Variants in OTOA observed in about 807,000 individuals in gnomAD.
OTOA encodes the protein cancer/testis antigen 108.
OTOA carries 70 observed loss-of-function variants against 110.8 expected under a neutral mutation model. The ratio of observed to expected loss-of-function variants is 0.63; its 90% CI spans 0.52 to 0.77. The LOEUF (loss-of-function observed/expected upper bound fraction) is 0.77. OTOA is among the 30% of genes least tolerant of loss of function. The pLI, the probability that OTOA is intolerant of heterozygous loss-of-function variation, is 0.00. For synonymous variants in OTOA, 373 were observed against 431.5 expected (o/e 0.86, Z 1.68); for missense variants, 917 against 1,075.8 (o/e 0.85, Z 2.06).
rs1425745774 is a variant in OTOA, at chr16:21,700,915, G to A, written c.868G>A (p.Ala290Thr). The stretch of plus-strand genomic sequence containing the variant: ...TGGGCTGTTTATCAGCTATGACAAC[G>A]CCACCAAGCAGCTGGACATGGTCTA... ...EIGLFISYDN[A>T]TKQLDMVYDI... is the part of the protein sequence containing the mutation. Residue 290 changes from alanine (A) to threonine (T), a missense_variant, in exon 11 of 29, where the codon GCC becomes ACC. By Grantham distance (58) the Ala-to-Thr change is moderately conservative (BLOSUM62 0). This residue lies in a region of OTOA where 840 missense variants were observed against 910.2 expected (regional missense o/e 0.92). Transcript: ENST00000646100. The A allele has an allele frequency of 2.0e-5, 32 of 1,613,938 alleles. No homozygotes were observed. Among genetic ancestry groups the A allele is most frequent in the Non-Finnish European group, 2.4e-5 (28 of 1,179,996 alleles).
At position 21,709,977 on chromosome 16, in the gene OTOA, C is replaced by T; in HGVS notation, c.1194C>T (p.Thr398=). ...GSLSDAVVGL[T]YSQLESLSPE... is the part of the protein sequence containing the mutation. ...TGTCGGATGCAGTTGTAGGTTTGAC[C>T]TACAGCCAACTGGAATCCCTCTCCC... The change falls in exon 13 of 29, where the codon ACC becomes ACT. Residue 398 remains threonine, a synonymous_variant. Transcript: ENST00000646100. The T allele has an allele frequency of 1.9e-6, 3 of 1,614,020 alleles. No individual in the cohort carries two copies. Among genetic ancestry groups the T allele is most frequent in the Non-Finnish European group, 2.5e-6 (3 of 1,179,958 alleles).
intron 28 of OTOA, among the ~76,000 whole-genome samples, chr16:21,758,024 T>C (rs1900051177): frequency 1.3e-5 from 2 of 152,040 alleles, no homozygotes; most frequent in Non-Finnish European, 1.5e-5. Context: ...TAAGGCCCTC[T>C]TGTAAATGAA....
chr16:21,676,236 T>A (rs574397073), intron 1 of OTOA, among the ~76,000 whole-genome samples: 2 of 152,212 alleles, frequency 1.3e-5, no homozygotes, highest in Non-Finnish European at 2.9e-5. Flanking sequence ...TAATTTTTGA[T>A]TAGATCTGGA....
chr16:21,694,252 G>C (rs990212755), intron 9 of OTOA, among the ~76,000 whole-genome samples: 1 of 152,058 alleles, frequency 6.6e-6, no homozygotes, highest in Non-Finnish European at 1.5e-5. Flanking sequence ...ACCAGCCTGG[G>C]CAACATAGCA....
chr16:21,752,314 T>C, intron 25 of OTOA, 55 bp from the exon 26 acceptor site: 1 of 807,420 alleles, frequency 1.2e-6, no homozygotes, highest in South Asian at 1.5e-5. Flanking sequence ...TTTGTTTGTT[T>C]TTGGCTGAAG....
chr16:21,698,402 C>T (rs1897986575), intron 10 of OTOA, among the ~76,000 whole-genome samples: 1 of 152,162 alleles, frequency 6.6e-6, no homozygotes, highest in South Asian at 2.1e-4. Flanking sequence ...ACTAGTCAAC[C>T]TGTCCCTCTC....
At chr16:21,728,095 C>G in intron 19 of OTOA, 146 bp from the exon 20 acceptor site, 1 of 967,934 alleles carries the variant, frequency 1.0e-6, no homozygotes, top group Non-Finnish European at 1.6e-6. Flanking sequence ...GAACTCCTGG[C>G]CTCAAATGAT....
At chr16:21,723,921 C>T (rs544090895) in intron 18 of OTOA, among the ~76,000 whole-genome samples, 53 of 152,104 alleles carry the variant, frequency 3.5e-4, no homozygotes, top group African/African-American at 1.2e-3. Context: ...CTTAATTGGG[C>T]GAATTTGTTT....
At chr16:21,757,650 G>A (rs1419696335) in intron 28 of OTOA, among the ~76,000 whole-genome samples, 1 of 148,570 alleles carries the variant, frequency 6.7e-6, no homozygotes, top group Non-Finnish European at 1.5e-5. Context: ...TCAGAGTCTC[G>A]CCCTGTCGCC....
chr16:21,712,108 A>G (rs950615902), intron 13 of OTOA, among the ~76,000 whole-genome samples: 7 of 151,956 alleles, frequency 4.6e-5, no homozygotes, highest in African/African-American at 1.7e-4. Flanking sequence ...TGAATGGATC[A>G]CTTGAGGCTA....
rs62045993 is a variant in OTOA, at chr16:21,760,552, G to A, written c.*12G>A. 121 of 1,600,072 alleles carry A rather than the reference G, an allele frequency of 7.6e-5. 2 individuals carry two copies. Among genetic ancestry groups the A allele is most frequent in the Admixed American group, 4.9e-4 (29 of 59,466 alleles). On this transcript the variant is annotated 3_prime_UTR_variant, in exon 29 of 29. Transcript: ENST00000646100. The stretch of plus-strand genomic sequence containing the variant: ...AGCTCCTGTGGTGAGTGGCCTGAGC[G>A]CATCGTCCTGTGTTGCCCCAAGCAG...
In OTOA at chr16:21,716,398, C is replaced by T. The variant is rs146798013; in HGVS notation, c.1489-509C>T. ...CAGCCTGGCCAACATGGTGAAACCC[C>T]GTCTCTACTAAAAATACGAAAAATT... On this transcript the variant is annotated intron_variant, in intron 14 of 28. Coordinates refer to ENST00000646100, the MANE Select transcript of OTOA (RefSeq NM_144672.4). 7.5e-3 allele frequency among the ~76,000 whole-genome samples: 1,141 copies of T among 152,080 alleles called. 33 individuals carry two copies. The highest frequency in any genetic ancestry group is 0.046 in the East Asian group (236 of 5,132).
intron 21 of OTOA, among the ~76,000 whole-genome samples, chr16:21,735,303 C>T (rs955321942): frequency 6.6e-6 from 1 of 151,848 alleles, no homozygotes; most frequent in Non-Finnish European, 1.5e-5. Flanking sequence ...CTTACTTGGC[C>T]GACACAGGAG....
chr16:21,725,346 G>A (rs572427920), intron 18 of OTOA, among the ~76,000 whole-genome samples: 107 of 152,204 alleles, frequency 7.0e-4, no homozygotes, highest in Middle Eastern at 3.4e-3. Flanking sequence ...GTGCAGTGGT[G>A]CGATCTCAGC....
chr16:21,700,768 G>T, intron 10 of OTOA, 120 bp from the exon 11 acceptor site: 84 of 1,019,642 alleles, frequency 8.2e-5, no homozygotes, highest in Middle Eastern at 3.2e-4. Context: ...CAATGACAAT[G>T]AGAACCAGGA....
At chr16:21,707,639 TTCTTTCTTTCTTTCTTTC>T (rs748996481) in intron 12 of OTOA, among the ~76,000 whole-genome samples, 1,534 of 115,954 alleles carry the variant, frequency 0.013, 28 homozygotes, top group Non-Finnish European at 0.022. Context: ...CTTTCTTTCT[TTCTTTCTTTCTTTCTTTC>T]TCTTTCTTTC....
chr16:21,718,943 C>T (rs948895281), intron 15 of OTOA, among the ~76,000 whole-genome samples, 190 bp from the exon 16 acceptor site: 2 of 152,146 alleles, frequency 1.3e-5, no homozygotes, highest in African/African-American at 4.8e-5. Flanking sequence ...CTGGAATTAC[C>T]TTGACACTGG....
At chr16:21,686,304 T>A (rs978008094) in intron 7 of OTOA, among the ~76,000 whole-genome samples, 2 of 150,836 alleles carry the variant, frequency 1.3e-5, no homozygotes, top group African/African-American at 4.9e-5. Context: ...TTTTTTTTTC[T>A]TAGAGACAGG....
chr16:21,706,965 A>G (rs1032968642), intron 12 of OTOA, among the ~76,000 whole-genome samples: 1 of 151,358 alleles, frequency 6.6e-6, no homozygotes, highest in Admixed American at 6.6e-5. Flanking sequence ...GCTCATTGCA[A>G]CCTTCGCCTT....
Sources: gnomAD v4.1 joint callset for allele counts (sites outside exome capture counted in the v4.1 genomes callset) on GRCh38, gnomAD v4.1.1 for gene constraint, gnomAD v4.1.1 regional missense constraint, MANE v1.5 for transcripts, NCBI Gene and HGNC (gene_info 2026-07-23, HGNC 2026-07-21) for gene names.